DST: variants seen among roughly 807,000 people sequenced by gnomAD.
DST encodes the protein dystonin, also known as bullous pemphigoid antigen.
DST carries 253 observed loss-of-function variants against 875.2 expected under a neutral mutation model. The observed-to-expected ratio is 0.29, with a 90% CI of 0.26 to 0.32. The LOEUF (loss-of-function observed/expected upper bound fraction) is 0.32. Among genes scored for constraint, DST ranks in the 10% least tolerant of loss-of-function variants. The pLI, the probability that DST is intolerant of heterozygous loss-of-function variation, is 1.00. For synonymous variants in DST, 3,124 were observed against 3,197.1 expected (o/e 0.98, Z 0.77); for missense variants, 8,287 against 9,111.6 (o/e 0.91, Z 3.68).
intron 2 of DST, among the ~76,000 whole-genome samples, chr6:56,919,265 A>G (rs1465427306): frequency 9.2e-5 from 14 of 152,086 alleles, no homozygotes. Flanking sequence ...GCTTTTCCCA[A>G]CTGCAAAATT....
intron 3 of DST, among the ~76,000 whole-genome samples, chr6:56,868,260 A>G (rs1235941460): frequency 1.3e-5 from 2 of 152,200 alleles, no homozygotes; most frequent in Non-Finnish European, 2.9e-5. Flanking sequence ...CTTGTTTCCA[A>G]TCGTGGTTCT....
chr6:56,656,690 T>C (rs1276378462), intron 10 of DST, among the ~76,000 whole-genome samples: 1 of 152,190 alleles, frequency 6.6e-6, no homozygotes. Flanking sequence ...CCTGATTTCT[T>C]CTCTGCAATA....
At position 56,552,828 on chromosome 6, in the gene DST, G is replaced by C; in HGVS notation, c.15964C>G (p.Leu5322Val). 6.2e-7 allele frequency: 1 copy of C among 1,612,920 alleles called. No homozygotes were observed. The highest frequency in any genetic ancestry group is 8.5e-7 in the Non-Finnish European group (1 of 1,179,892). Reference protein sequence around the residue: ...LTMLQTQQKSLQALKHQVDLA... With the variant: ...LTMLQTQQKSVQALKHQVDLA... ...TCTACCTGATGCTTCAAGGCCTGAAGTGATTTCTGCTGAGTTTGCAACATG... is the reference window on the plus strand; with the variant it reads ...TCTACCTGATGCTTCAAGGCCTGAACTGATTTCTGCTGAGTTTGCAACATG... Residue 5322 changes from leucine (L) to valine (V), a missense_variant, in exon 61 of 104, where the codon CTT becomes GTT. Transcript: ENST00000680361.
At chr6:56,742,286 G>A (rs757086110) in intron 4 of DST, 214 of 1,289,328 alleles carry the variant, frequency 1.7e-4, no homozygotes, top group Non-Finnish European at 2.1e-4. Context: ...CAGCACATCA[G>A]TCCCACCAGC....
In DST at chr6:56,646,112, A is replaced by ATT; in HGVS notation, c.1623_1624dup (p.Ile542LysfsTer9). 6.5e-7 allele frequency: 1 copy of ATT among 1,545,444 alleles called. No individual in the cohort carries two copies. The highest frequency in any genetic ancestry group is 8.8e-7 in the Non-Finnish European group (1 of 1,137,734). On this transcript the variant is annotated frameshift_variant, in exon 14 of 104. Transcript: ENST00000680361. LOFTEE classifies it high-confidence loss of function. ...CTCTAATAATTTATATAGACGTTTA[A>ATT]TTTTTGATTTTTCTGTCTCCTTTGG...
intron 2 of DST, among the ~76,000 whole-genome samples, chr6:56,941,972 G>A (rs770172619): frequency 1.9e-4 from 29 of 152,162 alleles, no homozygotes; most frequent in Non-Finnish European, 3.5e-4. Flanking sequence ...CTTTTGAAAT[G>A]TTTATGTCAT....
intron 36 of DST, chr6:56,615,954 G>A (rs766010394): frequency 3.7e-6 from 6 of 1,614,202 alleles, no homozygotes; most frequent in Non-Finnish European, 5.1e-6. Flanking sequence ...AGGCCTCTAT[G>A]CAAAGCTTCG....
chr6:56,616,516 T>C lies in DST; in HGVS notation c.4930-2032A>G, dbSNP rs140651078. On this transcript the variant is annotated intron_variant, in intron 36 of 103. Coordinates refer to ENST00000680361, the MANE Select transcript of DST (RefSeq NM_001374736.1). ...TCTCCCCAAATGGAAACAGAAAGCATTGGGACTCTACATCAAATACACACA... is the reference window on the plus strand; with the variant it reads ...TCTCCCCAAATGGAAACAGAAAGCACTGGGACTCTACATCAAATACACACA... 1.7e-4 allele frequency: 274 copies of C among 1,614,166 alleles called. No homozygotes were observed. The South Asian group carries it at 2.2e-3, about 13-fold the overall frequency.
At chr6:56,704,027 G>A (rs1199211028) in intron 6 of DST, among the ~76,000 whole-genome samples, 2 of 151,996 alleles carry the variant, frequency 1.3e-5, no homozygotes, top group Non-Finnish European at 2.9e-5. Flanking sequence ...AAAGAAGCAA[G>A]AACAAAAATA....
intron 2 of DST, among the ~76,000 whole-genome samples, chr6:56,941,498 T>G (rs1007015763): frequency 2.6e-5 from 4 of 152,172 alleles, no homozygotes; most frequent in Non-Finnish European, 5.9e-5. Context: ...ATTTATTCAT[T>G]TTAAGACAGG....
intron 4 of DST, among the ~76,000 whole-genome samples, chr6:56,824,175 G>C (rs2099776603): frequency 6.6e-6 from 1 of 152,160 alleles, no homozygotes; most frequent in Non-Finnish European, 1.5e-5. Flanking sequence ...CGCCTGACTG[G>C]TTTTCGTATT....
chr6:56,671,129 T>C (rs957454699), intron 9 of DST, among the ~76,000 whole-genome samples: 2 of 152,192 alleles, frequency 1.3e-5, no homozygotes, highest in South Asian at 4.1e-4. Flanking sequence ...GAAATCTGAG[T>C]TTCAAAGAGG....
rs377329549 is a variant in DST, at chr6:56,606,124, A to T, written c.8504T>A (p.Met2835Lys). 1.9e-6 allele frequency: 3 copies of T among 1,612,816 alleles called. No homozygotes were observed. In the East Asian group the frequency reaches 6.7e-5, roughly 36 times the overall value. Reference protein sequence around the residue: ...KPRCQNVAEDMDIQLCASILN... With the variant: ...KPRCQNVAEDKDIQLCASILN... ...AATAGAGGCACACAACTGGATATCC[A>T]TATCTTCAGCCACATTTTGGCACCT... is the stretch of plus-strand genomic sequence containing the variant. The change falls in exon 40 of 104, where the codon ATG becomes AAG. Residue 2835 changes from methionine (M) to lysine (K), a missense_variant. Coordinates refer to ENST00000680361, the MANE Select transcript of DST (RefSeq NM_001374736.1).
chr6:56,939,959 G>C (rs1365464821), intron 2 of DST, among the ~76,000 whole-genome samples: 2 of 151,918 alleles, frequency 1.3e-5, no homozygotes, highest in Non-Finnish European at 2.9e-5. Flanking sequence ...CAGGGAGGTG[G>C]AGGTTGCAGT....
At chr6:56,823,126 T>C (rs1189585104) in intron 4 of DST, among the ~76,000 whole-genome samples, 2 of 151,880 alleles carry the variant, frequency 1.3e-5, no homozygotes, top group Admixed American at 6.6e-5. Context: ...GAGCCTACAC[T>C]ATCTCTAAAG....
Position 56,954,768 on chromosome 6 carries a change from A to C in DST, c.-181T>G, listed in dbSNP as rs1468515603. On this transcript the variant is annotated 5_prime_UTR_variant, in exon 1 of 104. Coordinates refer to ENST00000680361, the MANE Select transcript of DST (RefSeq NM_001374736.1). Reference sequence around the variant, plus strand: ...CACCCCGCGCCAGCCGCGCTACGCGAGTGATCCAGGGCTGCGGGGAGCGCT... The same window carrying C: ...CACCCCGCGCCAGCCGCGCTACGCGCGTGATCCAGGGCTGCGGGGAGCGCT... 1.1e-5 allele frequency: 2 copies of C among 187,552 alleles called. No homozygotes were observed. The highest frequency in any genetic ancestry group is 4.8e-5 in the African/African-American group (2 of 41,812). 11.6% of individuals were successfully genotyped at this position (187,552 alleles called of 1,614,324 possible). A position where few individuals can be genotyped will look rare whatever the true frequency, so the allele number is the denominator to read the frequency against.
rs1563320205 is a variant in DST, at chr6:56,631,916, C to T, written c.3930G>A (p.Leu1310=). The change falls in exon 29 of 104, where the codon TTG becomes TTA. Residue 1310 remains leucine (L), a synonymous_variant. Coordinates refer to ENST00000680361, the MANE Select transcript of DST (RefSeq NM_001374736.1). Reference sequence around the variant, plus strand: ...CTGTGATTCTGAACACACTTTCATGCAAATCATCTCTTTCCAGGGGAGTTC... The same window carrying T: ...CTGTGATTCTGAACACACTTTCATGTAAATCATCTCTTTCCAGGGGAGTTC... ...QIRTPLERDD[L]HESVFRITEQ... is the part of the protein sequence containing the mutation. The T allele has an allele frequency of 6.2e-7, 1 of 1,614,056 alleles. No individual in the cohort carries two copies. Among genetic ancestry groups the T allele is most frequent in the East Asian group, 2.2e-5 (1 of 44,860 alleles).
Position 56,536,964 on chromosome 6 carries a change from ATATGAGT to A in DST, c.16609-31_16609-25del, listed in dbSNP as rs1401306798. The A allele has an allele frequency of 5.6e-6, 9 of 1,603,618 alleles. No individual in the cohort carries two copies. The South Asian group carries it at 1.0e-4, about 18-fold the overall frequency. ...ACCTGCAGTTAAAAGAGTAATAATTATATGAGTTATATTACCTATCAACCGCCAAATA... is the reference window on the plus strand; with the variant it reads ...ACCTGCAGTTAAAAGAGTAATAATTATATATTACCTATCAACCGCCAAATA... On this transcript the variant is annotated intron_variant, in intron 61 of 103. Transcript: ENST00000680361.
intron 3 of DST, among the ~76,000 whole-genome samples, chr6:56,874,945 A>G (rs1778979262): frequency 6.6e-6 from 1 of 152,054 alleles, no homozygotes; most frequent in Admixed American, 6.6e-5. Flanking sequence ...ACAACTCCTG[A>G]CTGAGCTTCT....
Sources: gnomAD v4.1 joint callset for allele counts (sites outside exome capture counted in the v4.1 genomes callset) on GRCh38, gnomAD v4.1.1 for gene constraint, MANE v1.5 for transcripts, NCBI Gene and HGNC (gene_info 2026-07-23, HGNC 2026-07-21) for gene names.